SAMD5: variants seen among roughly 807,000 people sequenced by gnomAD.
The protein encoded by SAMD5 is sterile alpha motif domain-containing protein 5.
In SAMD5, 13 loss-of-function variants were observed where a neutral mutation model predicts 11.3. The observed-to-expected ratio is 1.15, with a 90% CI of 0.75 to 1.83. The LOEUF is 1.83. Among genes scored for constraint, SAMD5 ranks in the 40% most tolerant of loss-of-function variants. The pLI is 0.00. For synonymous variants in SAMD5, 129 were observed against 111.3 expected (o/e 1.16, Z -1.00); for missense variants, 255 against 239.1 (o/e 1.07, Z -0.44).
At chr6:147,830,251 CTTT>C in the SAMD5 span, among the ~76,000 whole-genome samples, 870 of 84,872 alleles carry the variant, frequency 0.01, 2 homozygotes, top group African/African-American at 0.038. Context: ...TTCTTTCTTT[CTTT>C]TTTTTTTTTT....
chr6:147,572,117 A>C (rs1418646743), downstream of SAMD5, among the ~76,000 whole-genome samples: 1 of 152,100 alleles, frequency 6.6e-6, no homozygotes, highest in African/African-American at 2.4e-5. Context: ...GTAGTATTGT[A>C]GAATGAATGA....
At chr6:147,783,412 G>T in the SAMD5 span, among the ~76,000 whole-genome samples, 1 of 148,724 alleles carries the variant, frequency 6.7e-6, no homozygotes, top group African/African-American at 2.5e-5. Flanking sequence ...GGGGCGGGGG[G>T]ACATGAAGTC....
chr6:147,598,285 T>A (rs942649597), intron 1 of SAMD5, among the ~76,000 whole-genome samples: 3 of 151,966 alleles, frequency 2.0e-5, no homozygotes, highest in Non-Finnish European at 4.4e-5. Flanking sequence ...CCACCACACC[T>A]GGCTAATTTT....
intron 1 of SAMD5, among the ~76,000 whole-genome samples, chr6:147,679,126 A>G (rs1790905539): frequency 6.6e-6 from 1 of 152,016 alleles, no homozygotes. Flanking sequence ...TAAATCTATG[A>G]ATATTTATGT....
chr6:147,695,956 T>C (rs1442447648), intron 1 of SAMD5, among the ~76,000 whole-genome samples: 1 of 152,230 alleles, frequency 6.6e-6, no homozygotes, highest in Non-Finnish European at 1.5e-5. Context: ...AATTATCAAA[T>C]TAACACCCTC....
chr6:147,782,267 T>C, the SAMD5 span, among the ~76,000 whole-genome samples: 3 of 152,312 alleles, frequency 2.0e-5, no homozygotes, highest in East Asian at 5.8e-4. Context: ...TTAGAGAATA[T>C]GACAAAGCTC....
chr6:147,825,313 AAC>A, the SAMD5 span, among the ~76,000 whole-genome samples: 1 of 141,746 alleles, frequency 7.1e-6, no homozygotes, highest in Non-Finnish European at 1.6e-5. Context: ...CAAAAACAAA[AAC>A]AAACAAAAAA....
intron 1 of SAMD5, among the ~76,000 whole-genome samples, chr6:147,690,904 T>C (rs1791091121): frequency 6.8e-6 from 1 of 147,484 alleles, no homozygotes. Flanking sequence ...TAACCCAGAA[T>C]AAGTGCGATT....
chr6:147,784,964 T>A, the SAMD5 span, among the ~76,000 whole-genome samples: 1 of 152,182 alleles, frequency 6.6e-6, no homozygotes, highest in African/African-American at 2.4e-5. Flanking sequence ...AAATATATTA[T>A]CAAATGATAA....
chr6:147,532,906 C>T (rs1376898737), intron 1 of SAMD5, among the ~76,000 whole-genome samples: 1 of 152,182 alleles, frequency 6.6e-6, no homozygotes, highest in Non-Finnish European at 1.5e-5. Context: ...TTTAGCCCTG[C>T]ACTACCGAGA....
At chr6:147,948,169 T>A in the SAMD5 span, among the ~76,000 whole-genome samples, 1 of 152,162 alleles carries the variant, frequency 6.6e-6, no homozygotes, top group Non-Finnish European at 1.5e-5. Context: ...CTTCTATAAA[T>A]TAGTGACTGA....
At chr6:147,891,966 G>A in the SAMD5 span, among the ~76,000 whole-genome samples, 1 of 152,288 alleles carries the variant, frequency 6.6e-6, no homozygotes. Flanking sequence ...GCAAGAATTT[G>A]TCAGTGGGTC....
intron 1 of SAMD5, among the ~76,000 whole-genome samples, chr6:147,717,220 G>C (rs1226256201): frequency 1.3e-5 from 2 of 152,210 alleles, no homozygotes; most frequent in Non-Finnish European, 2.9e-5. Context: ...ATGAATGAGT[G>C]AATGAATATC....
chr6:147,730,762 A>G (rs1791701786), intron 1 of SAMD5, among the ~76,000 whole-genome samples: 1 of 152,200 alleles, frequency 6.6e-6, no homozygotes, highest in Admixed American at 6.5e-5. Context: ...GAAAGGAGAA[A>G]GCAGAGACAA....
chr6:147,931,247 G>A, the SAMD5 span, among the ~76,000 whole-genome samples: 2 of 152,128 alleles, frequency 1.3e-5, no homozygotes, highest in African/African-American at 2.4e-5. Flanking sequence ...ATGTGTGGGG[G>A]TGAAAATGAT....
chr6:147,866,147 C>T, the SAMD5 span, among the ~76,000 whole-genome samples: 4 of 151,766 alleles, frequency 2.6e-5, no homozygotes, highest in East Asian at 1.9e-4. Flanking sequence ...TCCAAGAATG[C>T]GGAAATACCA....
At chr6:147,898,497 T>C in the SAMD5 span, among the ~76,000 whole-genome samples, 1 of 152,200 alleles carries the variant, frequency 6.6e-6, no homozygotes. Context: ...ACAAGCATCT[T>C]TACTAGATTC....
chr6:147,930,125 A>C, the SAMD5 span, among the ~76,000 whole-genome samples: 4 of 152,296 alleles, frequency 2.6e-5, no homozygotes, highest in Admixed American at 2.6e-4. Context: ...TAGTGCATGG[A>C]CACAAGGCAG....
chr6:147,526,817 G>T (rs1788349354), intron 1 of SAMD5, among the ~76,000 whole-genome samples: 1 of 141,296 alleles, frequency 7.1e-6, no homozygotes, highest in Non-Finnish European at 1.6e-5. Context: ...AATGGGATGG[G>T]AGAAATGAAG....
Sources: gnomAD v4.1 joint callset for allele counts (sites outside exome capture counted in the v4.1 genomes callset) on GRCh38, gnomAD v4.1.1 for gene constraint, MANE v1.5 for transcripts, NCBI Gene and HGNC (gene_info 2026-07-23, HGNC 2026-07-21) for gene names.